Variants in ME3 observed in about 807,000 individuals in gnomAD.
The protein encoded by ME3 is malic enzyme 3.
In ME3, 48 loss-of-function variants were observed where a neutral mutation model predicts 68.9. The ratio of observed to expected loss-of-function variants is 0.70; its 90% CI spans 0.55 to 0.89. ME3 has a LOEUF of 0.89. Ranked by LOEUF, ME3 falls within the 40% of genes least tolerant of loss-of-function variation. ME3 has a pLI of 0.00. For synonymous variants in ME3, 320 were observed against 318.8 expected, an observed-to-expected ratio of 1.00 and a Z score of -0.04; for missense variants, 675 against 797.4, an observed-to-expected ratio of 0.85 and a Z score of 1.85.
intron 2 of ME3, among the ~76,000 whole-genome samples, chr11:86,568,234 C>T (rs1957595150): frequency 6.6e-6 from 1 of 152,166 alleles, no homozygotes; most frequent in Admixed American, 6.5e-5. Flanking sequence ...TTTTGAATGT[C>T]TCATCTGTTA....
intron 4 of ME3, among the ~76,000 whole-genome samples, chr11:86,528,203 A>G (rs1171689276): frequency 1.3e-5 from 2 of 152,242 alleles, no homozygotes; most frequent in Non-Finnish European, 2.9e-5. Flanking sequence ...AGGGGTTGCA[A>G]TCCTAATCTC....
intron 9 of ME3, 86 bp downstream of exon 9, chr11:86,450,215 C>T (rs1168697140): frequency 6.9e-6 from 9 of 1,310,230 alleles, no homozygotes; most frequent in Non-Finnish European, 9.8e-6. Context: ...TTTTCAGAAC[C>T]CCAGAATGCC....
chr11:86,602,108 A>G (rs1212383121), intron 2 of ME3, among the ~76,000 whole-genome samples: 6 of 151,010 alleles, frequency 4.0e-5, no homozygotes, highest in East Asian at 2.0e-4. Flanking sequence ...GGCCAGGGCA[A>G]TTAGGCAGGA....
intron 2 of ME3, among the ~76,000 whole-genome samples, chr11:86,659,697 C>G (rs1028670758): frequency 6.6e-6 from 1 of 152,154 alleles, no homozygotes; most frequent in Admixed American, 6.5e-5. Context: ...CCAGCCATAC[C>G]CTATTTAGCT....
intron 2 of ME3, among the ~76,000 whole-genome samples, chr11:86,649,673 G>A (rs555241357): frequency 1.3e-5 from 2 of 152,130 alleles, no homozygotes; most frequent in East Asian, 3.9e-4. Context: ...ACCAATAATA[G>A]ACAAACAGCC....
At chr11:86,494,710 A>G (rs1279859991) in intron 6 of ME3, among the ~76,000 whole-genome samples, 1 of 148,176 alleles carries the variant, frequency 6.7e-6, no homozygotes, top group East Asian at 1.9e-4. Flanking sequence ...CACGCGACTC[A>G]TTAAAGTGAC....
At chr11:86,625,832 T>C (rs1177931130) in intron 2 of ME3, among the ~76,000 whole-genome samples, 3 of 152,220 alleles carry the variant, frequency 2.0e-5, no homozygotes, top group Non-Finnish European at 4.4e-5. Context: ...TTCTGCTTTC[T>C]AGCTGAGTGT....
chr11:86,455,744 A>C (rs1362898096), intron 8 of ME3, among the ~76,000 whole-genome samples: 4 of 152,174 alleles, frequency 2.6e-5, no homozygotes, highest in Admixed American at 6.5e-5. Flanking sequence ...ATCCTTAACC[A>C]TGCCTCCTTT....
At chr11:86,574,022 AT>A (rs1402107698) in intron 2 of ME3, among the ~76,000 whole-genome samples, 8 of 152,132 alleles carry the variant, frequency 5.3e-5, no homozygotes, top group African/African-American at 1.9e-4. Flanking sequence ...GTGCTGCTGG[AT>A]TCAGTTTGCC....
chr11:86,449,308 T>C (rs1304650843), intron 10 of ME3, among the ~76,000 whole-genome samples: 2 of 152,242 alleles, frequency 1.3e-5, no homozygotes, highest in East Asian at 3.8e-4. Flanking sequence ...CTCTCATTCA[T>C]GCTTTCATTC....
chr11:86,559,619 C>T (rs774357064), intron 3 of ME3, 71 bp downstream of exon 3: 1 of 1,496,892 alleles, frequency 6.7e-7, no homozygotes, highest in Non-Finnish European at 9.0e-7. Flanking sequence ...CCAGAAAACC[C>T]TCTGTGAAGC....
intron 1 of ME3, 156 bp downstream of exon 1, chr11:86,672,168 G>A (rs1946996537): frequency 6.7e-6 from 3 of 449,268 alleles, no homozygotes; most frequent in Non-Finnish European, 1.1e-5. Flanking sequence ...GCCAGGCAAA[G>A]CGAAACCAAG....
At chr11:86,469,675 A>C (rs189365716) in intron 7 of ME3, among the ~76,000 whole-genome samples, 5 of 152,224 alleles carry the variant, frequency 3.3e-5, no homozygotes, top group Admixed American at 3.3e-4. Flanking sequence ...ATGCTTCTCC[A>C]GTGGAGAATT....
At chr11:86,437,083 C>T (rs1948902538), downstream of ME3, 1 of 152,164 alleles carries the variant, frequency 6.6e-6, no homozygotes, top group African/African-American at 2.4e-5. Flanking sequence ...TTCCACTCTC[C>T]CACCCTTCCA....
exon 6 of ME3, chr11:86,497,967 T>A: frequency 6.2e-7 from 1 of 1,600,226 alleles, no homozygotes; most frequent in Non-Finnish European, 8.5e-7. Context: ...GGTTACCTCA[T>A]TGTTGGTGCC....
At chr11:86,459,412 A>G (rs1312831265) in intron 8 of ME3, among the ~76,000 whole-genome samples, 1 of 152,140 alleles carries the variant, frequency 6.6e-6, no homozygotes, top group African/African-American at 2.4e-5. Flanking sequence ...CGAGCCTATT[A>G]GGCATCAGAG....
intron 5 of ME3, among the ~76,000 whole-genome samples, chr11:86,508,379 G>A (rs375569807): frequency 1.3e-4 from 20 of 152,218 alleles, no homozygotes; most frequent in African/African-American, 4.3e-4. Context: ...AGTTCTTTTC[G>A]TGTACTTTAT....
intron 2 of ME3, among the ~76,000 whole-genome samples, chr11:86,581,290 C>T (rs1484496737): frequency 6.6e-6 from 1 of 152,074 alleles, no homozygotes; most frequent in African/African-American, 2.4e-5. Flanking sequence ...ATAAAGTGTA[C>T]TTTTAACGAT....
In ME3 at chr11:86,497,978, G is replaced by A. The variant is rs781719661; in HGVS notation, c.690C>T (p.Val230=). The A allele has an allele frequency of 3.2e-5, 52 of 1,602,784 alleles. No individual in the cohort carries two copies. In the East Asian group the frequency reaches 6.3e-4, roughly 19 times the overall value. The change falls in exon 6 of 15, where the codon GTC becomes GTT. Residue 230 remains valine, a synonymous_variant. Transcript: ENST00000543262. ...AGTGGGTTACCTCATTGTTGGTGCC[G>A]ACGTCCAGCAGCACAGGGAGGCACT... is the stretch of plus-strand genomic sequence containing the variant.
Sources: gnomAD v4.1 joint callset for allele counts (sites outside exome capture counted in the v4.1 genomes callset) on GRCh38, gnomAD v4.1.1 for gene constraint, MANE v1.5 for transcripts, NCBI Gene and HGNC (gene_info 2026-07-23, HGNC 2026-07-21) for gene names.